CCDC178: variants seen among roughly 807,000 people sequenced by gnomAD.
The protein encoded by CCDC178 is coiled-coil domain-containing protein 178.
A neutral mutation model predicts 117.4 loss-of-function variants in CCDC178; 126 were observed. That is an observed-to-expected ratio of 1.07 (90% CI 0.93 to 1.24). The LOEUF (loss-of-function observed/expected upper bound fraction) is 1.24, where lower values mean the gene tolerates loss of function less well. Among genes scored for constraint, CCDC178 ranks in the 50% most tolerant of loss-of-function variants. CCDC178 has a pLI of 0.00. For missense variants in CCDC178, 1,030 were observed against 986.9 expected (o/e 1.04, Z -0.59); for synonymous variants, 283 against 313.4 (o/e 0.90, Z 1.02).
intron 21 of CCDC178, among the ~76,000 whole-genome samples, chr18:33,015,608 C>A (rs1193023855): frequency 1.1e-4 from 17 of 150,324 alleles, no homozygotes; most frequent in African/African-American, 3.4e-4. Flanking sequence ...AAACAGGAAA[C>A]CATGGCTAAT....
At chr18:33,091,321 A>ATTTTT (rs1415932731) in intron 21 of CCDC178, among the ~76,000 whole-genome samples, 5 of 18,356 alleles carry the variant, frequency 2.7e-4, no homozygotes, top group East Asian at 2.2e-3. Context: ...CACTTATTTC[A>ATTTTT]TTCTTTTTTT....
intron 22 of CCDC178, among the ~76,000 whole-genome samples, chr18:32,965,078 G>A (rs536121316): frequency 6.6e-6 from 1 of 151,808 alleles, no homozygotes; most frequent in Non-Finnish European, 1.5e-5. Context: ...CTGGCACATA[G>A]TCTTACAGTA....
At chr18:33,121,442 T>C (rs1029305127) in intron 20 of CCDC178, among the ~76,000 whole-genome samples, 3 of 152,074 alleles carry the variant, frequency 2.0e-5, no homozygotes, top group African/African-American at 7.2e-5. Flanking sequence ...AGAACAAACA[T>C]ATATTAATAC....
intron 11 of CCDC178, 56 bp from the exon 12 acceptor site, chr18:33,293,368 AATT>A: frequency 8.8e-7 from 1 of 1,141,140 alleles, no homozygotes; most frequent in Non-Finnish European, 1.2e-6. Context: ...ATATATTTTA[AATT>A]ATACTTAGGC....
intron 1 of CCDC178, chr18:33,440,338 A>ACTGGGGGACTGGGGGACTGGGGGG (rs2064365028): frequency 1.3e-5 from 1 of 74,940 alleles, no homozygotes; most frequent in African/African-American, 5.5e-5. Flanking sequence ...GGACTGGGGG[A>ACTGGGGGACTGGGGGACTGGGGGG]CTGGGGACAG....
At chr18:32,970,437 T>C (rs2054902143) in intron 22 of CCDC178, among the ~76,000 whole-genome samples, 1 of 152,044 alleles carries the variant, frequency 6.6e-6, no homozygotes, top group South Asian at 2.1e-4. Flanking sequence ...ACCGAAATCT[T>C]ATGGCATCAT....
intron 2 of CCDC178, among the ~76,000 whole-genome samples, chr18:33,416,284 G>T (rs945947705): frequency 6.6e-6 from 1 of 152,070 alleles, no homozygotes; most frequent in African/African-American, 2.4e-5. Flanking sequence ...AAAATTAGCC[G>T]GGCGTGGTGG....
chr18:33,129,237 G>A (rs945062510), intron 20 of CCDC178, among the ~76,000 whole-genome samples: 2 of 152,090 alleles, frequency 1.3e-5, no homozygotes, highest in African/African-American at 4.8e-5. Flanking sequence ...GCCCTAAGCA[G>A]TGTCATAAAC....
intron 7 of CCDC178, 139 bp from the exon 8 acceptor site, chr18:33,349,114 A>C (rs531526885): frequency 3.9e-6 from 2 of 516,852 alleles, no homozygotes; most frequent in South Asian, 6.1e-5. Flanking sequence ...ATAGGAGACT[A>C]ATATAGCAAA....
In CCDC178 at chr18:33,300,195, T is replaced by G. The variant is rs576514867; in HGVS notation, c.1023-6883A>C. On this transcript the variant is annotated intron_variant, in intron 11 of 22. Transcript: ENST00000383096. The stretch of plus-strand genomic sequence containing the variant: ...CCTGCTTGCCTGCTCCCACTTCACT[T>G]TCCTCCATGATTGTTACCTTCCTGA... Among the ~76,000 whole-genome samples, 13 of 152,306 alleles carry G rather than the reference T, an allele frequency of 8.5e-5. No homozygotes were observed. In the South Asian group the frequency reaches 2.7e-3, roughly 32 times the overall value.
chr18:33,270,164 G>A (rs550799497), intron 12 of CCDC178, among the ~76,000 whole-genome samples: 5 of 151,186 alleles, frequency 3.3e-5, no homozygotes, highest in Admixed American at 6.6e-5. Context: ...ATCTGAAGAC[G>A]AGTCAACTGA....
chr18:33,331,930 T>C (rs1398598818), intron 10 of CCDC178, among the ~76,000 whole-genome samples: 1 of 152,238 alleles, frequency 6.6e-6, no homozygotes, highest in Non-Finnish European at 1.5e-5. Flanking sequence ...GTGTGATTAT[T>C]GTTTACAGTC....
At chr18:33,199,133 A>G (rs777990525) in intron 20 of CCDC178, among the ~76,000 whole-genome samples, 9 of 152,036 alleles carry the variant, frequency 5.9e-5, no homozygotes, top group Non-Finnish European at 1.2e-4. Context: ...TGTTTGTATT[A>G]ATTAAACCTG....
intron 18 of CCDC178, among the ~76,000 whole-genome samples, chr18:33,218,148 C>A (rs1437327928): frequency 6.6e-6 from 1 of 151,934 alleles, no homozygotes. Flanking sequence ...CTCTCATGGC[C>A]CACATGCTTT....
intron 2 of CCDC178, among the ~76,000 whole-genome samples, chr18:33,438,570 T>G (rs942534699): frequency 2.0e-5 from 3 of 151,506 alleles, no homozygotes; most frequent in African/African-American, 4.8e-5. Flanking sequence ...ACACACAATT[T>G]GTGTTATTGT....
At chr18:33,139,718 C>T (rs2058174606) in intron 20 of CCDC178, among the ~76,000 whole-genome samples, 1 of 152,244 alleles carries the variant, frequency 6.6e-6, no homozygotes, top group Non-Finnish European at 1.5e-5. Context: ...GGAAGCAGAG[C>T]ATAACAGTTT....
At chr18:33,403,256 A>C (rs1766827117) in intron 3 of CCDC178, among the ~76,000 whole-genome samples, 1 of 152,174 alleles carries the variant, frequency 6.6e-6, no homozygotes, top group African/African-American at 2.4e-5. Context: ...TGATTCCAGG[A>C]ATCTAGAGAA....
intron 21 of CCDC178, among the ~76,000 whole-genome samples, chr18:33,023,917 C>G (rs1285742353): frequency 1.3e-5 from 2 of 152,080 alleles, no homozygotes; most frequent in South Asian, 2.1e-4. Context: ...GGATATGGTA[C>G]TACTGATCTT....
chr18:33,123,473 C>A (rs527550759), intron 20 of CCDC178, among the ~76,000 whole-genome samples: 5 of 152,150 alleles, frequency 3.3e-5, no homozygotes, highest in African/African-American at 1.2e-4. Flanking sequence ...ACTACAAAAA[C>A]CACCATGCTC....
Sources: allele counts gnomAD v4.1 joint callset (sites outside exome capture counted in the v4.1 genomes callset), GRCh38; gene constraint gnomAD v4.1.1; transcripts MANE v1.5; gene names NCBI Gene and HGNC (gene_info 2026-07-23, HGNC 2026-07-21).